Variants in NCKAP5 observed in about 807,000 individuals in gnomAD.
NCKAP5 encodes the protein NCK associated protein 5, also known as nck-associated protein 5.
NCKAP5 carries 92 observed loss-of-function variants against 167.0 expected under a neutral mutation model. That is an observed-to-expected ratio of 0.55 (90% CI 0.47 to 0.66). NCKAP5 has a LOEUF of 0.66. NCKAP5 is among the 30% of genes least tolerant of loss of function. The pLI, the probability that NCKAP5 is intolerant of heterozygous loss-of-function variation, is 0.00. For synonymous variants in NCKAP5, 891 were observed against 877.4 expected (o/e 1.02, Z -0.27); for missense variants, 2,378 against 2,315.0 (o/e 1.03, Z -0.56).
At chr2:133,283,217 A>T (rs2089989720) in intron 4 of NCKAP5, among the ~76,000 whole-genome samples, 1 of 152,178 alleles carries the variant, frequency 6.6e-6, no homozygotes, top group Non-Finnish European at 1.5e-5. Flanking sequence ...ACAATGAATA[A>T]GATAACATAA....
chr2:133,278,831 C>T (rs888246346), intron 4 of NCKAP5, among the ~76,000 whole-genome samples: 1 of 141,020 alleles, frequency 7.1e-6, no homozygotes, highest in African/African-American at 2.6e-5. Context: ...AGGCCAAAAA[C>T]TTAATAGAAA....
chr2:132,960,207 T>C (rs1009532413), intron 8 of NCKAP5, among the ~76,000 whole-genome samples: 8 of 152,126 alleles, frequency 5.3e-5, no homozygotes, highest in Admixed American at 6.5e-5. Context: ...TTTAGGAAGG[T>C]AAAGGTCTTA....
rs559605684 is a variant in NCKAP5, at chr2:133,033,341, C to T, written c.342-39102G>A. ...CCAAAGGAAGATACAGCTTAGATCA[C>T]AACACCGAAGTCCTTTCAAATATCA... On this transcript the variant is annotated intron_variant, in intron 6 of 19. Transcript: ENST00000409261. 2.0e-5 allele frequency among the ~76,000 whole-genome samples: 3 copies of T among 152,310 alleles called. No homozygotes were observed. The South Asian group carries it at 6.2e-4, about 32-fold the overall frequency.
chr2:132,706,104 C>G (rs1688335229), intron 19 of NCKAP5, among the ~76,000 whole-genome samples: 1 of 152,164 alleles, frequency 6.6e-6, no homozygotes, highest in Non-Finnish European at 1.5e-5. Flanking sequence ...CACATACACA[C>G]ATACACACAT....
intron 16 of NCKAP5, among the ~76,000 whole-genome samples, chr2:132,765,617 T>G (rs940957269): frequency 1.3e-5 from 2 of 152,022 alleles, no homozygotes; most frequent in African/African-American, 2.4e-5. Flanking sequence ...TCTTAAATGA[T>G]AGTAAGAATT....
chr2:133,547,284 G>A (rs12466560), intron 2 of NCKAP5, among the ~76,000 whole-genome samples: 26,605 of 152,088 alleles, frequency 0.17, 2,977 homozygotes, highest in East Asian at 0.58. Context: ...ACTGCAAGGC[G>A]GCAGAGAGGC....
At chr2:132,704,749 C>T (rs890203190) in intron 19 of NCKAP5, among the ~76,000 whole-genome samples, 2 of 152,196 alleles carry the variant, frequency 1.3e-5, no homozygotes, top group African/African-American at 2.4e-5. Context: ...CTTAACTCCA[C>T]TGCCCCTCTC....
At chr2:132,696,233 C>A (rs1217176721) in intron 19 of NCKAP5, among the ~76,000 whole-genome samples, 2 of 152,202 alleles carry the variant, frequency 1.3e-5, no homozygotes, top group Non-Finnish European at 1.5e-5. Context: ...GTAAGCAGTA[C>A]AGATTGTGGT....
Position 133,058,635 on chromosome 2 carries a change from T to C in NCKAP5, c.342-64396A>G, listed in dbSNP as rs545047224. On this transcript the variant is annotated intron_variant, in intron 6 of 19. Transcript: ENST00000409261. The stretch of plus-strand genomic sequence containing the variant: ...ACATAAACAGATAAGTTACTTCTTA[T>C]GGATGAAAAAAGAAAGTAGCTTCTT... 7.2e-5 allele frequency among the ~76,000 whole-genome samples: 11 copies of C among 152,310 alleles called. No homozygotes were observed. The South Asian group carries it at 1.7e-3, about 23-fold the overall frequency.
At chr2:133,249,118 T>C (rs547803720) in intron 4 of NCKAP5, among the ~76,000 whole-genome samples, 3 of 146,534 alleles carry the variant, frequency 2.0e-5, no homozygotes, top group South Asian at 2.4e-4. Context: ...TCCCACCCAA[T>C]AGGTCTGCAT....
At chr2:133,054,860 G>A (rs1447786129) in intron 6 of NCKAP5, among the ~76,000 whole-genome samples, 1 of 152,124 alleles carries the variant, frequency 6.6e-6, no homozygotes, top group Non-Finnish European at 1.5e-5. Context: ...ATTTATTAGA[G>A]TTTTGACCTA....
At chr2:133,386,967 G>C (rs1383462558) in intron 3 of NCKAP5, among the ~76,000 whole-genome samples, 5 of 152,082 alleles carry the variant, frequency 3.3e-5, no homozygotes, top group Non-Finnish European at 7.4e-5. Flanking sequence ...GTTTCCTGAA[G>C]GCAGCACACT....
Position 133,031,579 on chromosome 2 carries a change from CAG to C in NCKAP5, c.342-37342_342-37341del, listed in dbSNP as rs560301454. On this transcript the variant is annotated intron_variant, in intron 6 of 19. Coordinates refer to ENST00000409261, the MANE Select transcript of NCKAP5 (RefSeq NM_207363.3). The stretch of plus-strand genomic sequence containing the variant: ...CCTGGTGCTGAACTAGGCCCACAGA[CAG>C]TGGTCTGCTGGCGGGTGGGTGGGGC... Among the ~76,000 whole-genome samples, 39 of 152,084 alleles carry C rather than the reference CAG, an allele frequency of 2.6e-4. No homozygotes were observed. In the South Asian group the frequency reaches 5.2e-3, roughly 20 times the overall value.
chr2:133,238,559 C>A (rs1559303924), intron 4 of NCKAP5, among the ~76,000 whole-genome samples: 1 of 152,172 alleles, frequency 6.6e-6, no homozygotes, highest in African/African-American at 2.4e-5. Context: ...CAGTCAGTAC[C>A]ATCCAGTACT....
chr2:133,272,267 G>C (rs1242606955), intron 4 of NCKAP5, among the ~76,000 whole-genome samples: 2 of 151,750 alleles, frequency 1.3e-5, no homozygotes, highest in Non-Finnish European at 2.9e-5. Context: ...TGAAATCAAA[G>C]TCTAATAAAA....
chr2:133,469,103 T>C (rs1322307636), intron 3 of NCKAP5, among the ~76,000 whole-genome samples: 1 of 152,144 alleles, frequency 6.6e-6, no homozygotes, highest in African/African-American at 2.4e-5. Flanking sequence ...TTCTTCCTAG[T>C]CTCGATGGTC....
the NCKAP5 span, among the ~76,000 whole-genome samples, chr2:133,578,173 CT>C: frequency 2.6e-5 from 4 of 152,108 alleles, no homozygotes; most frequent in Non-Finnish European, 5.9e-5. Context: ...GTGTGGTTTC[CT>C]CTATATCTTG....
intron 5 of NCKAP5, among the ~76,000 whole-genome samples, chr2:133,159,412 C>T (rs535466710): frequency 2.6e-5 from 4 of 152,212 alleles, no homozygotes; most frequent in East Asian, 3.9e-4. Context: ...CAGAGAAACC[C>T]GTCAAGGTAT....
At position 133,469,118 on chromosome 2, in the gene NCKAP5, C is replaced by T. The variant is rs1692837621; in HGVS notation, c.69+48340G>A. Among the ~76,000 whole-genome samples the T allele has an allele frequency of 2.6e-5, 4 of 151,896 alleles. No individual in the cohort carries two copies. In the South Asian group the frequency reaches 8.4e-4, roughly 32 times the overall value. On this transcript the variant is annotated intron_variant, in intron 3 of 19. Coordinates refer to ENST00000409261, the MANE Select transcript of NCKAP5 (RefSeq NM_207363.3). ...TTCTTCCTAGTCTCGATGGTCTTTA[C>T]GTTTTGGCATGATTTTGCAGTGGCT...
Sources: allele counts gnomAD v4.1 joint callset (sites outside exome capture counted in the v4.1 genomes callset), GRCh38; gene constraint gnomAD v4.1.1; transcripts MANE v1.5; gene names NCBI Gene and HGNC (gene_info 2026-07-23, HGNC 2026-07-21).